The following PTPN5 variants were observed in gnomAD, a reference collection of about 807,000 sequenced individuals.
PTPN5 encodes the protein tyrosine-protein phosphatase non-receptor type 5.
A neutral mutation model predicts 73.9 loss-of-function variants in PTPN5; 29 were observed. The observed-to-expected ratio is 0.39, with a 90% CI of 0.29 to 0.54. The LOEUF (loss-of-function observed/expected upper bound fraction) is 0.54, where lower values mean the gene tolerates loss of function less well. PTPN5 is among the 20% of genes least tolerant of loss of function. The pLI is 0.65. For missense variants in PTPN5, 652 were observed against 751.4 expected (o/e 0.87, Z 1.55); for synonymous variants, 267 against 304.7 (o/e 0.88, Z 1.29).
chr11:18,743,698 T>C (rs2134227865), intron 4 of PTPN5: 1 of 578,632 alleles, frequency 1.7e-6, no homozygotes, highest in Non-Finnish European at 3.1e-6. Context: ...AGTAGTCTCC[T>C]AGAAAGGCCT....
Position 18,743,011 on chromosome 11 carries a change from A to G in PTPN5, c.464T>C (p.Leu155Pro). The G allele has an allele frequency of 6.4e-7, 1 of 1,551,522 alleles. No individual in the cohort carries two copies. The highest frequency in any genetic ancestry group is 8.7e-7 in the Non-Finnish European group (1 of 1,146,712). Residue 155 changes from leucine to proline, a missense_variant, in exon 6 of 15, where the codon CTG becomes CCG. Coordinates refer to ENST00000358540, the MANE Select transcript of PTPN5 (RefSeq NM_006906.2). ...SLLLVFLSVG[L>P]VLVTTLVWHL... ...CCTTACCAGGGTGGTAACGAGGACC[A>G]GGCCCACGGACAGAAAGACCAGCAG...
At position 18,740,676 on chromosome 11, in the gene PTPN5, G is replaced by A; in HGVS notation, c.842C>T (p.Ala281Val). 1.2e-6 allele frequency: 2 copies of A among 1,608,050 alleles called. No homozygotes were observed. The highest frequency in any genetic ancestry group is 1.7e-6 in the Non-Finnish European group (2 of 1,176,810). ...EESAREYLLS[A>V]SRVLQAEELH... ...CTCTTCTGCTTGGAGGACACGGGAG[G>A]CGCTGAGCAGGTACTCGCGGGCGGA... is the stretch of plus-strand genomic sequence containing the variant. Residue 281 changes from alanine (A) to valine (V), a missense_variant, in exon 8 of 15, where the codon GCC becomes GTC. Physicochemically the swap from Ala to Val is moderately conservative, Grantham distance 64. Transcript: ENST00000358540.
At chr11:18,751,166 G>C (rs905801199) in intron 3 of PTPN5, among the ~76,000 whole-genome samples, 1 of 152,224 alleles carries the variant, frequency 6.6e-6, no homozygotes, top group African/African-American at 2.4e-5. Context: ...TGTGATCTCT[G>C]TTCTCACTGG....
At chr11:18,752,660 GCAAA>G (rs1194956802) in intron 3 of PTPN5, among the ~76,000 whole-genome samples, 2 of 152,266 alleles carry the variant, frequency 1.3e-5, no homozygotes, top group Non-Finnish European at 2.9e-5. Context: ...CTTTGTTGCT[GCAAA>G]CAAAGGCTCA....
At position 18,765,866 on chromosome 11, in the gene PTPN5, T is replaced by C. The variant is rs767989422; in HGVS notation, c.38A>G (p.His13Arg). Residue 13 changes from histidine to arginine, a missense_variant, in exon 3 of 15, where the codon CAC (histidine) becomes CGC (arginine). Around this residue, in one of 3 missense-constraint regions of PTPN5, gnomAD observed 529 missense variants for 573.9 expected, o/e 0.92. Transcript: ENST00000358540. Reference sequence around the variant, plus strand: ...CCCTCCCTCGGAGTCATCAGCAGCGTGGTTCTCTCTCTCACTCCTGCAGCA... The same window carrying C: ...CCCTCCCTCGGAGTCATCAGCAGCGCGGTTCTCTCTCTCACTCCTGCAGCA... Reference protein sequence around the residue: ...YEGARSERENHAADDSEGGAL... With the variant: ...YEGARSERENRAADDSEGGAL... 1.3e-6 allele frequency: 2 copies of C among 1,578,724 alleles called. No individual in the cohort carries two copies. The highest frequency in any genetic ancestry group is 2.3e-5 in the East Asian group (1 of 43,548).
intron 3 of PTPN5, among the ~76,000 whole-genome samples, chr11:18,756,865 A>C (rs1483793630): frequency 6.6e-6 from 1 of 150,384 alleles, no homozygotes; most frequent in African/African-American, 2.4e-5. Context: ...TGGAGGCTGC[A>C]GTGAGCCAAG....
Position 18,744,094 on chromosome 11 carries a change from G to A in PTPN5, c.203C>T (p.Pro68Leu), listed in dbSNP as rs539700309. The A allele has an allele frequency of 7.1e-5, 115 of 1,611,870 alleles. 1 individual carries two copies. In the South Asian group the frequency reaches 8.4e-4, roughly 12 times the overall value. The change falls in exon 4 of 15, where the codon CCA (proline) becomes CTA (leucine). Residue 68 changes from proline to leucine, a missense_variant. By Grantham distance (98) the Pro-to-Leu change is moderately conservative. Transcript: ENST00000358540. ...GCCTCGAGGTGGTGGCTTCTGAGCT[G>A]GATCTGAGGGCGGCGAGGGAGGAGG... Reference protein sequence around the residue: ...PPPPPSPPSDPAQKPPPRGAG... With the variant: ...PPPPPSPPSDLAQKPPPRGAG...
At chr11:18,737,788 CT>C in intron 9 of PTPN5, 91 bp downstream of exon 9, 1 of 1,150,542 alleles carries the variant, frequency 8.7e-7, no homozygotes, top group East Asian at 2.3e-5. Flanking sequence ...CCTGTCACCC[CT>C]AGAGGCCCAG....
At chr11:18,784,892 C>T (rs1192093868) in intron 1 of PTPN5, among the ~76,000 whole-genome samples, 1 of 151,922 alleles carries the variant, frequency 6.6e-6, no homozygotes, top group Non-Finnish European at 1.5e-5. Flanking sequence ...CTCACTCTGT[C>T]ACCCAGGCTG....
In PTPN5 at chr11:18,791,367, C is replaced by A. The variant is rs1043437297; in HGVS notation, c.-114+158G>T. On this transcript the variant is annotated intron_variant, in intron 1 of 14. Coordinates refer to ENST00000358540, the MANE Select transcript of PTPN5 (RefSeq NM_006906.2). ...GGGGACCCCTCCCCCAGCATGCGGG[C>A]GCCCAGAGCCCCACGGGGGCGTGGC... is the stretch of plus-strand genomic sequence containing the variant. Among the ~76,000 whole-genome samples the A allele has an allele frequency of 3.9e-5, 6 of 152,300 alleles. No homozygotes were observed. In the East Asian group the frequency reaches 9.7e-4, roughly 25 times the overall value.
In PTPN5 at chr11:18,738,025, G is replaced by T. The variant is rs534385934; in HGVS notation, c.916-61C>A. 3.5e-5 allele frequency: 49 copies of T among 1,404,252 alleles called. No individual in the cohort carries two copies. The South Asian group carries it at 5.0e-4, about 14-fold the overall frequency. 87.0% of individuals were successfully genotyped at this position (1,404,252 alleles called of 1,614,324 possible). On this transcript the variant is annotated intron_variant, in intron 8 of 14. Coordinates refer to ENST00000358540, the MANE Select transcript of PTPN5 (RefSeq NM_006906.2). The stretch of plus-strand genomic sequence containing the variant: ...GGCCCTCACAGATGTTTGAATCCAG[G>T]GGCTGCTGTGCCCCCAACTCCTAGC...
chr11:18,737,199 G>T (rs2134205280), intron 9 of PTPN5, among the ~76,000 whole-genome samples: 1 of 152,328 alleles, frequency 6.6e-6, no homozygotes, highest in African/African-American at 2.4e-5. Flanking sequence ...CTTGATAAAA[G>T]TTATCTGAAA....
intron 3 of PTPN5, among the ~76,000 whole-genome samples, chr11:18,754,366 C>T (rs1488414153): frequency 6.6e-6 from 1 of 152,208 alleles, no homozygotes; most frequent in Admixed American, 6.5e-5. Flanking sequence ...AGCTGCAGCA[C>T]AGCCGACTGT....
chr11:18,760,313 A>G (rs1427697456), intron 3 of PTPN5, among the ~76,000 whole-genome samples: 1 of 152,218 alleles, frequency 6.6e-6, no homozygotes, highest in African/African-American at 2.4e-5. Flanking sequence ...CTGGTCAGAG[A>G]TAGGCGCTGC....
intron 5 of PTPN5, 62 bp downstream of exon 5, chr11:18,743,250 AGGTTGGGGAG>A: frequency 6.9e-7 from 1 of 1,441,774 alleles, no homozygotes; most frequent in Non-Finnish European, 9.8e-7. Context: ...CCCAATCTGG[AGGTTGGGGAG>A]GGTGGGACTA....
intron 3 of PTPN5, among the ~76,000 whole-genome samples, chr11:18,747,411 A>T (rs1849691402): frequency 6.6e-6 from 1 of 151,906 alleles, no homozygotes; most frequent in African/African-American, 2.4e-5. Context: ...TTGGCCTCCC[A>T]AAGTGCTGGA....
In PTPN5 at chr11:18,728,118, T is replaced by G. The variant is rs1204157960; in HGVS notation, c.*816A>C. On this transcript the variant is annotated 3_prime_UTR_variant, in exon 15 of 15. Transcript: ENST00000358540. The surrounding 1 kb of genome is among the most constrained non-coding windows in gnomAD (Gnocchi z 4.1). ...TCCTGATGGGCTCTCAACACACGCATGGACATGGGAACACACGCAGAGCAA... is the reference window on the plus strand; with the variant it reads ...TCCTGATGGGCTCTCAACACACGCAGGGACATGGGAACACACGCAGAGCAA... 4 of 152,742 alleles carry G rather than the reference T, an allele frequency of 2.6e-5. No individual in the cohort carries two copies. Among genetic ancestry groups the G allele is most frequent in the African/African-American group, 7.2e-5 (3 of 41,554 alleles). The allele number at this position is 152,742 out of a possible 1,614,324, so 9.5% of individuals were successfully genotyped here.
At chr11:18,734,512 T>C (rs34344025) in intron 9 of PTPN5, among the ~76,000 whole-genome samples, 41,529 of 152,014 alleles carry the variant, frequency 0.27, 6,236 homozygotes, top group Middle Eastern at 0.4. Context: ...ATTTGTTTAT[T>C]TTGGTAGAGA....
chr11:18,743,463 C>T (rs773806825), intron 4 of PTPN5, 34 bp from the exon 5 acceptor site: 30 of 1,585,680 alleles, frequency 1.9e-5, no homozygotes, highest in South Asian at 7.7e-5. Context: ...AGTATGGAGC[C>T]GGCCCCCTTC....
Sources: gnomAD v4.1 joint callset for allele counts (sites outside exome capture counted in the v4.1 genomes callset) on GRCh38, gnomAD v4.1.1 for gene constraint, gnomAD v4.1.1 regional missense constraint, Gnocchi (gnomAD v3.1) non-coding constraint, MANE v1.5 for transcripts, NCBI Gene and HGNC (gene_info 2026-07-23, HGNC 2026-07-21) for gene names.